Variants in HS6ST3 observed in about 807,000 individuals in gnomAD.
HS6ST3 encodes the protein heparan-sulfate 6-O-sulfotransferase 3.
HS6ST3 carries 12 observed loss-of-function variants against 36.7 expected under a neutral mutation model. The ratio of observed to expected loss-of-function variants is 0.33; its 90% CI spans 0.21 to 0.53. The LOEUF is 0.53. Ranked by LOEUF, HS6ST3 falls within the 20% of genes least tolerant of loss-of-function variation. The probability of loss-of-function intolerance (pLI) is 0.95; values close to 1 mark genes in which losing one functional copy is unlikely to be tolerated. For missense variants in HS6ST3, 584 were observed against 640.9 expected, an observed-to-expected ratio of 0.91 and a Z score of 0.96; for synonymous variants, 240 against 257.5, an observed-to-expected ratio of 0.93 and a Z score of 0.65.
At chr13:96,466,167 G>C (rs970952256) in intron 1 of HS6ST3, among the ~76,000 whole-genome samples, 1 of 152,070 alleles carries the variant, frequency 6.6e-6, no homozygotes, top group Non-Finnish European at 1.5e-5. Context: ...TGTAATCCCA[G>C]CTACTCAGGA....
At chr13:96,281,787 C>A (rs1402254161) in intron 1 of HS6ST3, among the ~76,000 whole-genome samples, 1 of 152,156 alleles carries the variant, frequency 6.6e-6, no homozygotes, top group African/African-American at 2.4e-5. Context: ...GCTGTGAATT[C>A]TTTCAGACTT....
chr13:96,232,807 G>A (rs2054515046), intron 1 of HS6ST3, among the ~76,000 whole-genome samples: 1 of 152,190 alleles, frequency 6.6e-6, no homozygotes, highest in Non-Finnish European at 1.5e-5. Context: ...CAGAGATTTT[G>A]TTGACTGGTC....
intron 1 of HS6ST3, among the ~76,000 whole-genome samples, chr13:96,180,359 A>T (rs1363108787): frequency 6.6e-6 from 1 of 152,154 alleles, no homozygotes; most frequent in Non-Finnish European, 1.5e-5. Context: ...TGAAAATTAC[A>T]TCTCTCTTTC....
chr13:96,829,368 G>A (rs1878721062), intron 1 of HS6ST3, among the ~76,000 whole-genome samples: 1 of 151,518 alleles, frequency 6.6e-6, no homozygotes, highest in Non-Finnish European at 1.5e-5. Context: ...ACATGTGCAG[G>A]TTTGTTACAC....
intron 1 of HS6ST3, among the ~76,000 whole-genome samples, chr13:96,213,746 T>C (rs2054410524): frequency 6.6e-6 from 1 of 152,182 alleles, no homozygotes; most frequent in South Asian, 2.1e-4. Context: ...GTACATTTAG[T>C]CATTTTCAGA....
At chr13:96,469,438 G>A (rs537158348) in intron 1 of HS6ST3, among the ~76,000 whole-genome samples, 2 of 152,080 alleles carry the variant, frequency 1.3e-5, no homozygotes, top group South Asian at 2.1e-4. Context: ...TCACAGTACC[G>A]CTAGATGGTA....
intron 1 of HS6ST3, among the ~76,000 whole-genome samples, chr13:96,788,529 T>C (rs1300789189): frequency 6.6e-6 from 1 of 151,902 alleles, no homozygotes; most frequent in Admixed American, 6.6e-5. Context: ...CAACTCTTTA[T>C]GGAGTGTTCT....
chr13:96,157,793 A>G (rs914306378), intron 1 of HS6ST3, among the ~76,000 whole-genome samples: 2 of 152,224 alleles, frequency 1.3e-5, no homozygotes, highest in African/African-American at 4.8e-5. Flanking sequence ...GTGACTTAAT[A>G]TAAGTGTTAT....
intron 1 of HS6ST3, among the ~76,000 whole-genome samples, chr13:96,654,125 T>G (rs1293467420): frequency 2.0e-5 from 3 of 152,200 alleles, no homozygotes; most frequent in Non-Finnish European, 4.4e-5. Context: ...GTCAGATGGA[T>G]AGATTACAAA....
At chr13:96,454,665 A>G (rs1472603749) in intron 1 of HS6ST3, among the ~76,000 whole-genome samples, 1 of 151,624 alleles carries the variant, frequency 6.6e-6, no homozygotes. Context: ...GGATGGAGAG[A>G]CTCATTTGCA....
At chr13:96,619,695 A>T (rs1011237925) in intron 1 of HS6ST3, among the ~76,000 whole-genome samples, 2 of 152,260 alleles carry the variant, frequency 1.3e-5, no homozygotes, top group African/African-American at 4.8e-5. Context: ...GCTATAAATC[A>T]GATTTTATTG....
intron 1 of HS6ST3, among the ~76,000 whole-genome samples, chr13:96,338,467 C>G (rs2055113255): frequency 6.6e-6 from 1 of 152,208 alleles, no homozygotes. Flanking sequence ...CCAAGGTAAT[C>G]TTGCCATTCT....
intron 1 of HS6ST3, among the ~76,000 whole-genome samples, chr13:96,152,369 G>A (rs1259262904): frequency 1.5e-5 from 2 of 132,418 alleles, no homozygotes; most frequent in East Asian, 2.2e-4. Context: ...ACGGAGTCTC[G>A]CTCTGTCCCC....
At chr13:96,114,961 T>C (rs139195029) in intron 1 of HS6ST3, among the ~76,000 whole-genome samples, 3 of 152,232 alleles carry the variant, frequency 2.0e-5, no homozygotes, top group African/African-American at 7.2e-5. Context: ...TTTCTAGAGG[T>C]GTGACTTTTT....
intron 1 of HS6ST3, among the ~76,000 whole-genome samples, chr13:96,368,197 A>G (rs2055272737): frequency 6.6e-6 from 1 of 152,058 alleles, no homozygotes; most frequent in Non-Finnish European, 1.5e-5. Context: ...TTCTTATTCT[A>G]TGCTTGCAGG....
chr13:96,734,392 A>G (rs1305905574), intron 1 of HS6ST3, among the ~76,000 whole-genome samples: 29 of 152,236 alleles, frequency 1.9e-4, no homozygotes, highest in Non-Finnish European at 1.5e-5. Flanking sequence ...GATTTCTCTT[A>G]CATTAGTCCC....
chr13:96,801,303 A>G (rs972216283), intron 1 of HS6ST3, among the ~76,000 whole-genome samples: 35 of 152,068 alleles, frequency 2.3e-4, no homozygotes, highest in African/African-American at 8.0e-4. Context: ...CTCAGATTTC[A>G]TGTTCCTAAG....
intron 1 of HS6ST3, among the ~76,000 whole-genome samples, chr13:96,382,574 A>G (rs2055346623): frequency 6.6e-6 from 1 of 152,236 alleles, no homozygotes; most frequent in Admixed American, 6.5e-5. Context: ...ATGTGTCAAC[A>G]TAGAAAATTA....
intron 1 of HS6ST3, among the ~76,000 whole-genome samples, chr13:96,783,392 T>C (rs1877571654): frequency 6.6e-6 from 1 of 152,184 alleles, no homozygotes; most frequent in Non-Finnish European, 1.5e-5. Flanking sequence ...TCCAGTGTTT[T>C]AGTGTTTCAT....
Sources: gnomAD v4.1 joint callset for allele counts (sites outside exome capture counted in the v4.1 genomes callset) on GRCh38, gnomAD v4.1.1 for gene constraint, MANE v1.5 for transcripts, NCBI Gene and HGNC (gene_info 2026-07-23, HGNC 2026-07-21) for gene names.